The following DNAJC6 variants were observed in gnomAD, a reference collection of about 807,000 sequenced individuals.
The protein encoded by DNAJC6 is DnaJ heat shock protein family (Hsp40) member C6.
A neutral mutation model predicts 110.0 loss-of-function variants in DNAJC6; 34 were observed. That is an observed-to-expected ratio of 0.31 (90% confidence interval 0.24 to 0.41). DNAJC6 has a LOEUF of 0.41. Ranked by LOEUF, DNAJC6 falls within the 10% of genes least tolerant of loss-of-function variation. DNAJC6 has a pLI of 1.00. For synonymous variants in DNAJC6, 406 were observed against 437.2 expected (o/e 0.93, Z 0.89); for missense variants, 1,031 against 1,207.8 (o/e 0.85, Z 2.17).
chr1:65,402,917 T>G (rs748578073), intron 15 of DNAJC6, among the ~76,000 whole-genome samples: 5 of 152,232 alleles, frequency 3.3e-5, no homozygotes, highest in Non-Finnish European at 7.3e-5. Flanking sequence ...GAAATTTTAC[T>G]TCAATAAAAT....
rs201984806 is a variant in DNAJC6, at chr1:65,406,110, G to A, written c.2468G>A (p.Arg823His). 33 of 1,613,974 alleles carry A rather than the reference G, an allele frequency of 2.0e-5. No homozygotes were observed. The highest frequency in any genetic ancestry group is 2.4e-5 in the Non-Finnish European group (28 of 1,179,988). Residue 823 changes from arginine to histidine, a missense_variant, in exon 16 of 19, where the codon CGT becomes CAT. Coordinates refer to ENST00000371069, the MANE Select transcript of DNAJC6 (RefSeq NM_001256864.2). ...FSAMPGGQNE[R>H]GKGSSNLEGK... ...GCCATGCCTGGGGGCCAGAACGAAC[G>A]TGGGAAAGGATCAAGTAATTTGGGT... is the stretch of plus-strand genomic sequence containing the variant.
intron 1 of DNAJC6, among the ~76,000 whole-genome samples, chr1:65,302,577 G>A (rs1253665449): frequency 1.2e-4 from 15 of 126,732 alleles, no homozygotes; most frequent in Admixed American, 5.5e-4. Flanking sequence ...CGCCCAGGCC[G>A]GACTGCGGAC....
chr1:65,267,422 A>G (rs1000158172), intron 1 of DNAJC6, among the ~76,000 whole-genome samples: 3 of 152,208 alleles, frequency 2.0e-5, no homozygotes, highest in African/African-American at 7.2e-5. Context: ...CTTAGGCAAC[A>G]TTTTAGATCG....
At chr1:65,313,397 C>T (rs367593280) in intron 1 of DNAJC6, among the ~76,000 whole-genome samples, 1 of 152,116 alleles carries the variant, frequency 6.6e-6, no homozygotes, top group African/African-American at 2.4e-5. Flanking sequence ...ATCATAAGAG[C>T]TGTTCTTACC....
intron 1 of DNAJC6, among the ~76,000 whole-genome samples, chr1:65,361,261 G>A (rs1395935850): frequency 1.3e-5 from 2 of 152,210 alleles, no homozygotes; most frequent in Non-Finnish European, 2.9e-5. Flanking sequence ...TCAGTTAGTG[G>A]TAGAGATGAT....
At chr1:65,319,586 T>C (rs1439235872) in intron 1 of DNAJC6, among the ~76,000 whole-genome samples, 1 of 110,160 alleles carries the variant, frequency 9.1e-6, no homozygotes, top group Non-Finnish European at 1.9e-5. Flanking sequence ...TGGAAGATGA[T>C]TATTGAAACC....
At chr1:65,329,648 GT>G (rs1300406277) in intron 1 of DNAJC6, among the ~76,000 whole-genome samples, 1 of 152,068 alleles carries the variant, frequency 6.6e-6, no homozygotes. Flanking sequence ...AAAACTGTCT[GT>G]TACAAAGTTC....
At chr1:65,310,481 C>T (rs897477272) in intron 1 of DNAJC6, among the ~76,000 whole-genome samples, 6 of 152,222 alleles carry the variant, frequency 3.9e-5, no homozygotes, top group Non-Finnish European at 7.3e-5. Context: ...TGTTACCTTT[C>T]TCCTGCAGTT....
Position 65,321,709 on chromosome 1 carries a change from A to G in DNAJC6, c.193+11771A>G, listed in dbSNP as rs892957183. ...TCCAGTGAAGTAGGTGGTATTAACA[A>G]AATGTTTTTGAGAGAAGGTTCAATT... On this transcript the variant is annotated intron_variant, in intron 1 of 18. Transcript: ENST00000371069. Among the ~76,000 whole-genome samples, 8 of 152,134 alleles carry G rather than the reference A, an allele frequency of 5.3e-5. No individual in the cohort carries two copies. The South Asian group carries it at 1.7e-3, about 32-fold the overall frequency.
intron 1 of DNAJC6, among the ~76,000 whole-genome samples, chr1:65,283,778 A>G (rs1231049163): frequency 2.0e-5 from 3 of 152,230 alleles, no homozygotes; most frequent in African/African-American, 7.2e-5. Flanking sequence ...CCATTATTGT[A>G]TGAGTGATCC....
At chr1:65,401,650 C>G in intron 14 of DNAJC6, 111 bp from the exon 15 acceptor site, 1 of 1,440,214 alleles carries the variant, frequency 6.9e-7, no homozygotes, top group Non-Finnish European at 9.2e-7. Context: ...CATTTTCAAA[C>G]CCTGTCCTAA....
chr1:65,279,709 C>A (rs1653784584), intron 1 of DNAJC6: 1 of 152,126 alleles, frequency 6.6e-6, no homozygotes. Context: ...ATTTTCTCTC[C>A]TATTTGCCTG....
intron 1 of DNAJC6, among the ~76,000 whole-genome samples, chr1:65,323,706 C>T (rs556427812): frequency 4.5e-4 from 68 of 152,134 alleles, no homozygotes; most frequent in Non-Finnish European, 9.1e-4. Flanking sequence ...AGCAGTCTTC[C>T]CACCTCAGCC....
upstream of DNAJC6, among the ~76,000 whole-genome samples, chr1:65,308,312 ACT>A (rs1209584183): frequency 4.6e-5 from 7 of 151,926 alleles, no homozygotes; most frequent in Non-Finnish European, 1.0e-4. Context: ...TGGTGAGGAA[ACT>A]CTGTCAAATG....
intron 1 of DNAJC6, among the ~76,000 whole-genome samples, chr1:65,273,426 G>A (rs545863354): frequency 2.0e-5 from 3 of 152,066 alleles, no homozygotes; most frequent in African/African-American, 7.2e-5. Context: ...GTGAAACCCC[G>A]TCTCTACTAA....
chr1:65,343,082 C>T (rs548533733), intron 1 of DNAJC6, among the ~76,000 whole-genome samples: 17 of 152,278 alleles, frequency 1.1e-4, no homozygotes, highest in South Asian at 2.1e-4. Flanking sequence ...TTCACCTTTG[C>T]GGTCTCACCT....
intron 1 of DNAJC6, among the ~76,000 whole-genome samples, chr1:65,347,412 T>C (rs1253563155): frequency 6.6e-6 from 1 of 152,054 alleles, no homozygotes; most frequent in East Asian, 1.9e-4. Flanking sequence ...TTTCTTTTTT[T>C]TTTTTACTTC....
upstream of DNAJC6, among the ~76,000 whole-genome samples, chr1:65,305,625 A>G (rs553961698): frequency 7.2e-5 from 11 of 152,318 alleles, no homozygotes; most frequent in Admixed American, 2.0e-4. Flanking sequence ...TTGGAGTGTC[A>G]TGGGGGACAC....
chr1:65,323,483 G>A (rs1645214516), intron 1 of DNAJC6, among the ~76,000 whole-genome samples: 2 of 152,258 alleles, frequency 1.3e-5, no homozygotes, highest in Middle Eastern at 3.4e-3. Context: ...CATGCTTCCT[G>A]TTAAGCCTGT....
Sources: allele counts gnomAD v4.1 joint callset (sites outside exome capture counted in the v4.1 genomes callset), GRCh38; gene constraint gnomAD v4.1.1; transcripts MANE v1.5; gene names NCBI Gene and HGNC (gene_info 2026-07-23, HGNC 2026-07-21).